Variants in VPS8 observed in about 807,000 individuals in gnomAD.
The protein encoded by VPS8 is vacuolar protein sorting-associated protein 8 homolog.
A neutral mutation model predicts 216.4 loss-of-function variants in VPS8; 129 were observed. That is an observed-to-expected ratio of 0.60 (90% confidence interval 0.52 to 0.69). The LOEUF (loss-of-function observed/expected upper bound fraction) is 0.69. Among genes scored for constraint, VPS8 ranks in the 30% least tolerant of loss-of-function variants. The probability of loss-of-function intolerance (pLI) is 0.00; values close to 1 mark genes in which losing one functional copy is unlikely to be tolerated. For missense variants in VPS8, 1,531 were observed against 1,683.5 expected, an observed-to-expected ratio of 0.91 and a Z score of 1.59; for synonymous variants, 571 against 565.4, an observed-to-expected ratio of 1.01 and a Z score of -0.14.
At chr3:184,947,786 A>G (rs998576748) in intron 36 of VPS8, among the ~76,000 whole-genome samples, 1 of 152,194 alleles carries the variant, frequency 6.6e-6, no homozygotes, top group African/African-American at 2.4e-5. Flanking sequence ...GTTTGCGTCA[A>G]AATTTCAGTG....
intron 36 of VPS8, 97 bp from the exon 37 acceptor site, chr3:184,957,277 G>C: frequency 7.8e-7 from 1 of 1,280,362 alleles, no homozygotes; most frequent in Non-Finnish European, 1.1e-6. Context: ...GGTAGTCCTA[G>C]TTTTAATGTA....
intron 42 of VPS8, among the ~76,000 whole-genome samples, chr3:184,990,032 C>T (rs1751674316): frequency 6.6e-6 from 1 of 152,016 alleles, no homozygotes; most frequent in Non-Finnish European, 1.5e-5. Context: ...GAGACCACGC[C>T]ACTGCACTCC....
intron 25 of VPS8, among the ~76,000 whole-genome samples, chr3:184,908,514 G>A (rs952416339): frequency 6.6e-6 from 1 of 152,236 alleles, no homozygotes; most frequent in South Asian, 2.1e-4. Context: ...CCCAGATGGG[G>A]TGTTAGTGTG....
chr3:184,880,296 A>G (rs1560504013), intron 21 of VPS8, among the ~76,000 whole-genome samples: 3 of 152,164 alleles, frequency 2.0e-5, no homozygotes, highest in Admixed American at 2.0e-4. Flanking sequence ...ACCCTTTTAT[A>G]GCCACACCCA....
chr3:184,969,901 CTT>C (rs755680287), intron 39 of VPS8, among the ~76,000 whole-genome samples: 2 of 110,226 alleles, frequency 1.8e-5, no homozygotes, highest in Non-Finnish European at 3.6e-5. Flanking sequence ...TACTTTCTTA[CTT>C]TTTTTTTTTT....
chr3:185,030,518 A>G (rs1013966202), intron 46 of VPS8, among the ~76,000 whole-genome samples: 1 of 152,186 alleles, frequency 6.6e-6, no homozygotes, highest in African/African-American at 2.4e-5. Context: ...GTTAGGGACA[A>G]TGCACAGGGA....
intron 21 of VPS8, among the ~76,000 whole-genome samples, chr3:184,876,898 A>C (rs1448711393): frequency 1.3e-5 from 2 of 152,222 alleles, no homozygotes; most frequent in African/African-American, 4.8e-5. Context: ...AGAGAAATGT[A>C]TATCAAATCT....
rs1346326214 is a variant in VPS8, at chr3:184,849,470, CT to C, written c.666+277del. On this transcript the variant is annotated intron_variant, in intron 9 of 47. Coordinates refer to ENST00000625842, the MANE Select transcript of VPS8 (RefSeq NM_001009921.3). ...AACCAGGGATGTTATATAAAATGTA[CT>C]TCCTTACAGTCGTGTAAATAATGGA... 29 of 294,174 alleles carry C rather than the reference CT, an allele frequency of 9.9e-5. No homozygotes were observed. In the East Asian group the frequency reaches 2.2e-3, roughly 23 times the overall value. 18.2% of individuals were successfully genotyped at this position (294,174 alleles called of 1,614,324 possible). A position where few individuals can be genotyped will look rare whatever the true frequency, so the allele number is the denominator to read the frequency against.
At chr3:184,830,221 C>G (rs1719703972) in intron 3 of VPS8, among the ~76,000 whole-genome samples, 1 of 152,006 alleles carries the variant, frequency 6.6e-6, no homozygotes, top group Admixed American at 6.5e-5. Flanking sequence ...AAAGAGTATT[C>G]TCATCTGGTG....
Position 184,973,240 on chromosome 3 carries a change from G to A in VPS8, c.3420+1488G>A, listed in dbSNP as rs115907315. On this transcript the variant is annotated intron_variant, in intron 40 of 47. Transcript: ENST00000625842. ...TAAAATATATTCATCCTGTCACTCAGAAATAACCATCATTATCATTTGGTG... is the reference window on the plus strand; with the variant it reads ...TAAAATATATTCATCCTGTCACTCAAAAATAACCATCATTATCATTTGGTG... Among the ~76,000 whole-genome samples, 1,219 of 152,128 alleles carry A rather than the reference G, an allele frequency of 8.0e-3. 16 individuals are homozygous for A. The highest frequency in any genetic ancestry group is 0.028 in the African/African-American group (1,165 of 41,500).
Position 185,052,180 on chromosome 3 carries a change from T to G in VPS8, c.*155T>G. The G allele has an allele frequency of 7.0e-6, 5 of 715,084 alleles. No individual in the cohort carries two copies. Among genetic ancestry groups the G allele is most frequent in the Non-Finnish European group, 8.7e-6 (4 of 459,594 alleles). 44.3% of individuals were successfully genotyped at this position (715,084 alleles called of 1,614,324 possible). On this transcript the variant is annotated 3_prime_UTR_variant, in exon 48 of 48. Transcript: ENST00000625842. ...TGTGCCCAGAGCGTCCACAGCACCA[T>G]TCCCAGTGTAGACTCCCAGTCTTCT... is the stretch of plus-strand genomic sequence containing the variant.
intron 1 of VPS8, among the ~76,000 whole-genome samples, chr3:184,816,950 T>C (rs1337454445): frequency 1.3e-5 from 2 of 152,186 alleles, no homozygotes; most frequent in East Asian, 3.9e-4. Context: ...TCCTTCCCGT[T>C]GCTGAAGATA....
chr3:184,814,043 G>A (rs569542682), intron 1 of VPS8, among the ~76,000 whole-genome samples: 1 of 152,272 alleles, frequency 6.6e-6, no homozygotes, highest in East Asian at 1.9e-4. Flanking sequence ...TATTAAATGT[G>A]TTCTGTGTTT....
chr3:185,050,123 A>AATTTTTTTTTTT (rs1553916150), intron 47 of VPS8, among the ~76,000 whole-genome samples: 2 of 139,388 alleles, frequency 1.4e-5, no homozygotes, highest in Non-Finnish European at 1.6e-5. Context: ...CTGGGAAATA[A>AATTTTTTTTTTT]TTTTTTTTTT....
At chr3:184,875,854 G>C (rs564273691) in intron 21 of VPS8, among the ~76,000 whole-genome samples, 18 of 151,704 alleles carry the variant, frequency 1.2e-4, no homozygotes, top group Admixed American at 1.2e-3. Context: ...GCTGGGAATG[G>C]TGGTGCACAG....
At chr3:184,823,198 C>T (rs1717987209) in intron 1 of VPS8, among the ~76,000 whole-genome samples, 1 of 152,114 alleles carries the variant, frequency 6.6e-6, no homozygotes, top group East Asian at 1.9e-4. Context: ...AACAACTAAT[C>T]TCAGTTCACT....
At chr3:184,893,295 G>C (rs1260580351) in intron 22 of VPS8, 5 of 1,287,456 alleles carry the variant, frequency 3.9e-6, no homozygotes, top group Non-Finnish European at 5.1e-6. Context: ...TGTTTTTGTG[G>C]AACTTGTCAT....
At chr3:184,818,360 AAAAAT>A (rs1237262958) in intron 1 of VPS8, among the ~76,000 whole-genome samples, 5 of 151,922 alleles carry the variant, frequency 3.3e-5, no homozygotes, top group African/African-American at 9.7e-5. Context: ...CATCTCTATG[AAAAAT>A]TCAAAAAATT....
intron 43 of VPS8, among the ~76,000 whole-genome samples, chr3:184,994,660 A>G (rs1248916610): frequency 6.6e-6 from 1 of 152,236 alleles, no homozygotes; most frequent in Non-Finnish European, 1.5e-5. Context: ...AATTTAATAC[A>G]AAGCTATATA....
Sources: gnomAD v4.1 joint callset for allele counts (sites outside exome capture counted in the v4.1 genomes callset) on GRCh38, gnomAD v4.1.1 for gene constraint, MANE v1.5 for transcripts, NCBI Gene and HGNC (gene_info 2026-07-23, HGNC 2026-07-21) for gene names.